Variants in PCDHA4 observed in about 807,000 individuals in gnomAD.
The protein encoded by PCDHA4 is protocadherin alpha-4.
In PCDHA4, 49 loss-of-function variants were observed where a neutral mutation model predicts 61.4. That is an observed-to-expected ratio of 0.80 (90% CI 0.63 to 1.01). The LOEUF (loss-of-function observed/expected upper bound fraction) is 1.01. PCDHA4 is among the 50% of genes least tolerant of loss of function. The probability of loss-of-function intolerance (pLI) is 0.00; values close to 1 mark genes in which losing one functional copy is unlikely to be tolerated. For synonymous variants in PCDHA4, 590 were observed against 550.3 expected, an observed-to-expected ratio of 1.07 and a Z score of -1.01; for missense variants, 1,254 against 1,235.8, an observed-to-expected ratio of 1.01 and a Z score of -0.22.
At chr5:140,854,022 C>A in intron 1 of PCDHA4, 1 of 318,106 alleles carries the variant, frequency 3.1e-6, no homozygotes, top group Non-Finnish European at 4.7e-6. Context: ...ATTAGCCGGG[C>A]ATGGTGGCAC....
At chr5:140,828,466 C>T in intron 1 of PCDHA4, 2 of 1,614,242 alleles carry the variant, frequency 1.2e-6, no homozygotes, top group East Asian at 2.2e-5. Flanking sequence ...AGGTGAGGGA[C>T]ATTAACGACA....
intron 1 of PCDHA4, chr5:140,848,087 G>A (rs1781316611): frequency 5.9e-6 from 1 of 168,072 alleles, no homozygotes; most frequent in African/African-American, 2.4e-5. Flanking sequence ...AAACTTAAGT[G>A]GAGAGTTTTC....
rs375261398 is a variant in PCDHA4 at position 140,910,786 on chromosome 5, A to G, written c.2386-68163A>G. On this transcript the variant is annotated intron_variant, in intron 1 of 3. Transcript: ENST00000530339. ...TAAACTCCCCAAGCTGCAACATTAA[A>G]TGCAGAATCCCTGCTTAGTGGGCCC... is the stretch of plus-strand genomic sequence containing the variant. 2.6e-3 allele frequency among the ~76,000 whole-genome samples: 391 copies of G among 152,326 alleles called. 2 individuals are homozygous for G. Among genetic ancestry groups the G allele is most frequent in the African/African-American group, 9.1e-3 (380 of 41,560 alleles).
In PCDHA4 at chr5:140,842,440, C is replaced by A. The variant is rs1777947165; in HGVS notation, c.2385+32868C>A. On this transcript the variant is annotated intron_variant, in intron 1 of 3. Coordinates refer to ENST00000530339, the MANE Select transcript of PCDHA4 (RefSeq NM_018907.4). ...TTGGTACTGTCATCGCCCTAATTAG[C>A]GTGAACGACCTCGATTCAGGTGCCA... The A allele has an allele frequency of 1.9e-6, 3 of 1,613,638 alleles. No homozygotes were observed. The South Asian group carries it at 3.3e-5, about 18-fold the overall frequency.
rs185929013 is a variant in PCDHA4 at position 140,956,196 on chromosome 5, T to G, written c.2386-22753T>G. 2.6e-5 allele frequency among the ~76,000 whole-genome samples: 4 copies of G among 152,188 alleles called. No homozygotes were observed. In the East Asian group the frequency reaches 7.7e-4, roughly 29 times the overall value. On this transcript the variant is annotated intron_variant, in intron 1 of 3. Coordinates refer to ENST00000530339, the MANE Select transcript of PCDHA4 (RefSeq NM_018907.4). The stretch of plus-strand genomic sequence containing the variant: ...CTTCCAATACTATGCTGAATAGGAG[T>G]GGTGAAAGAGGGCATCCTTGTCTTG...
At chr5:141,007,991 A>G (rs1276879326) in intron 3 of PCDHA4, among the ~76,000 whole-genome samples, 1 of 152,234 alleles carries the variant, frequency 6.6e-6, no homozygotes, top group Non-Finnish European at 1.5e-5. Context: ...TATGAAATGT[A>G]CATGTTAATA....
At chr5:140,869,628 T>TGAGTATTTTTCTTTA in intron 1 of PCDHA4, 1 of 1,613,700 alleles carries the variant, frequency 6.2e-7, no homozygotes, top group Non-Finnish European at 8.5e-7. Flanking sequence ...TAAGTAAAAA[T>TGAGTATTTTTCTTTA]GAGTATTTTT....
intron 1 of PCDHA4, chr5:140,871,461 A>C: frequency 1.2e-6 from 2 of 1,605,278 alleles, no homozygotes; most frequent in South Asian, 2.2e-5. Flanking sequence ...AGGAAGGGGA[A>C]AGACAGGAGC....
chr5:140,850,469 G>A lies in PCDHA4; in HGVS notation c.2385+40897G>A, dbSNP rs2150485500. 6.3e-6 allele frequency: 10 copies of A among 1,597,768 alleles called. 2 individuals carry two copies. The highest frequency in any genetic ancestry group is 8.6e-6 in the Non-Finnish European group (10 of 1,167,634). On this transcript the variant is annotated intron_variant, in intron 1 of 3. Transcript: ENST00000530339. Reference sequence around the variant, plus strand: ...TGGTGAAAGACCACGGGGAGCCAGCGCTGACGGCCACGGCCACTGTGCTGG... The same window carrying A: ...TGGTGAAAGACCACGGGGAGCCAGCACTGACGGCCACGGCCACTGTGCTGG...
chr5:140,954,225 A>C (rs1554221300), intron 1 of PCDHA4, among the ~76,000 whole-genome samples: 2 of 152,242 alleles, frequency 1.3e-5, no homozygotes, highest in African/African-American at 4.8e-5. Context: ...TGCTATTGTG[A>C]ATAGTGCTGC....
chr5:140,852,094 C>A, intron 1 of PCDHA4: 2 of 907,306 alleles, frequency 2.2e-6, no homozygotes, highest in Non-Finnish European at 2.7e-6. Flanking sequence ...AATATTGTGT[C>A]AGATATTTTA....
Position 141,010,339 on chromosome 5 carries a change from A to C in PCDHA4, c.*402A>C. ...TTGAGCAGCTTGGGAGTTTGTGGCCACTGGGTATGTGTGGCTACCGCGGGT... is the reference window on the plus strand; with the variant it reads ...TTGAGCAGCTTGGGAGTTTGTGGCCCCTGGGTATGTGTGGCTACCGCGGGT... On this transcript the variant is annotated 3_prime_UTR_variant, in exon 4 of 4. Coordinates refer to ENST00000530339, the MANE Select transcript of PCDHA4 (RefSeq NM_018907.4). 6.5e-7 allele frequency: 1 copy of C among 1,534,060 alleles called. No homozygotes were observed. The highest frequency in any genetic ancestry group is 8.8e-7 in the Non-Finnish European group (1 of 1,140,682).
chr5:140,916,469 T>C (rs1051023499), intron 1 of PCDHA4, among the ~76,000 whole-genome samples: 2 of 152,194 alleles, frequency 1.3e-5, no homozygotes, highest in African/African-American at 4.8e-5. Flanking sequence ...TGCTGGTTAT[T>C]TGGTGCCCAA....
At position 140,894,520 on chromosome 5, in the gene PCDHA4, C is replaced by T. The variant is rs377646516; in HGVS notation, c.2386-84429C>T. On this transcript the variant is annotated intron_variant, in intron 1 of 3. Coordinates refer to ENST00000530339, the MANE Select transcript of PCDHA4 (RefSeq NM_018907.4). ...AGGCATTATCCATAGTGTTTATATG[C>T]TGTTATGTGCCTTCTGGTTTAGTGT... is the stretch of plus-strand genomic sequence containing the variant. Among the ~76,000 whole-genome samples, 12 of 151,842 alleles carry T rather than the reference C, an allele frequency of 7.9e-5. No homozygotes were observed. In the East Asian group the frequency reaches 1.9e-3, roughly 24 times the overall value.
At chr5:140,903,916 T>C (rs1192195691) in intron 1 of PCDHA4, among the ~76,000 whole-genome samples, 1 of 152,260 alleles carries the variant, frequency 6.6e-6, no homozygotes, top group African/African-American at 2.4e-5. Flanking sequence ...TGTGACTTCC[T>C]TGCTGCATTG....
At position 140,809,095 on chromosome 5, in the gene PCDHA4, C is replaced by T. The variant is rs1554124995; in HGVS notation, c.1908C>T (p.Ala636=). The T allele has an allele frequency of 6.2e-7, 1 of 1,613,984 alleles. No individual in the cohort carries two copies. The highest frequency in any genetic ancestry group is 8.5e-7 in the Non-Finnish European group (1 of 1,179,932). ...CTGGCGAGATCAGCACAACGCGTGC[C>T]CTGGACGAAACGGACGCTCCGCGCC... ...LYTGEISTTR[A]LDETDAPRHR... is the part of the protein sequence containing the mutation. Residue 636 remains alanine (A), a synonymous_variant, in exon 1 of 4, where the codon GCC becomes GCT. Coordinates refer to ENST00000530339, the MANE Select transcript of PCDHA4 (RefSeq NM_018907.4).
At chr5:140,985,577 G>A (rs1265916995) in intron 3 of PCDHA4, among the ~76,000 whole-genome samples, 1 of 152,116 alleles carries the variant, frequency 6.6e-6, no homozygotes, top group Non-Finnish European at 1.5e-5. Flanking sequence ...TGGTGCCTAA[G>A]CCTCCTTATA....
chr5:140,828,364 C>T (rs1769717460), intron 1 of PCDHA4: 1 of 1,614,276 alleles, frequency 6.2e-7, no homozygotes, highest in Non-Finnish European at 8.5e-7. Flanking sequence ...CTCGGATCGA[C>T]CGCGAGGAGC....
intron 1 of PCDHA4, among the ~76,000 whole-genome samples, chr5:140,921,683 C>T (rs1554200360): frequency 6.6e-6 from 1 of 152,154 alleles, no homozygotes; most frequent in East Asian, 1.9e-4. Flanking sequence ...TCATCAAACA[C>T]TGGCCACCTC....
Sources: gnomAD v4.1 joint callset for allele counts (sites outside exome capture counted in the v4.1 genomes callset) on GRCh38, gnomAD v4.1.1 for gene constraint, MANE v1.5 for transcripts, NCBI Gene and HGNC (gene_info 2026-07-23, HGNC 2026-07-21) for gene names.